Variants in KCNC2 observed in about 807,000 individuals in gnomAD.
KCNC2 encodes the protein potassium voltage-gated channel subfamily C member 2.
Under a neutral mutation model 44.5 loss-of-function variants are expected in KCNC2, and 21 were observed. That is an observed-to-expected ratio of 0.47 (90% confidence interval 0.33 to 0.68). KCNC2 has a LOEUF of 0.68. KCNC2 is among the 30% of genes least tolerant of loss of function. The pLI is 0.01. For synonymous variants in KCNC2, 391 were observed against 339.1 expected, an observed-to-expected ratio of 1.15 and a Z score of -1.68; for missense variants, 589 against 826.2, an observed-to-expected ratio of 0.71 and a Z score of 3.52.
intron 2 of KCNC2, among the ~76,000 whole-genome samples, chr12:75,115,672 T>G (rs1046092490): frequency 6.6e-6 from 1 of 152,196 alleles, no homozygotes; most frequent in African/African-American, 2.4e-5. Context: ...TCAATGCATC[T>G]TCTCTAAACT....
At position 75,146,442 on chromosome 12, in the gene KCNC2, G is replaced by T. The variant is rs149724234; in HGVS notation, c.687+60855C>A. Among the ~76,000 whole-genome samples, 262 of 152,152 alleles carry T rather than the reference G, an allele frequency of 1.7e-3. 1 individual carries two copies. The highest frequency in any genetic ancestry group is 3.1e-3 in the Non-Finnish European group (211 of 67,980). On this transcript the variant is annotated intron_variant, in intron 2 of 4. Coordinates refer to ENST00000549446, the MANE Select transcript of KCNC2 (RefSeq NM_139137.4). ...AATATTGCTTTTTATGGAACATTTT[G>T]ATTTTGAGATGTATACATGTTATTA... is the stretch of plus-strand genomic sequence containing the variant.
At chr12:75,208,678 G>A (rs763064078) in intron 1 of KCNC2, among the ~76,000 whole-genome samples, 3 of 148,120 alleles carry the variant, frequency 2.0e-5, no homozygotes, top group East Asian at 4.0e-4. Context: ...TGAGCAACCT[G>A]TTCTAGGATC....
chr12:75,091,458 C>T (rs185125493), intron 2 of KCNC2, among the ~76,000 whole-genome samples: 242 of 151,712 alleles, frequency 1.6e-3, no homozygotes, highest in African/African-American at 5.6e-3. Flanking sequence ...CAGCTTTCTT[C>T]GTACATAGTT....
rs531460938 is a variant in KCNC2, at chr12:75,073,506, ACTT to A, written c.688-22192_688-22190del. ...AGAGGCATCAACATGTTTAATAAAA[ACTT>A]CTTCTATACAGTTGCAATATTATAC... is the stretch of plus-strand genomic sequence containing the variant. On this transcript the variant is annotated intron_variant, in intron 2 of 4. Coordinates refer to ENST00000549446, the MANE Select transcript of KCNC2 (RefSeq NM_139137.4). Among the ~76,000 whole-genome samples the A allele has an allele frequency of 6.6e-5, 10 of 152,220 alleles. No individual in the cohort carries two copies. The East Asian group carries it at 7.7e-4, about 12-fold the overall frequency.
intron 2 of KCNC2, among the ~76,000 whole-genome samples, chr12:75,185,913 G>A (rs1416135144): frequency 1.3e-5 from 2 of 151,842 alleles, no homozygotes; most frequent in Non-Finnish European, 2.9e-5. Flanking sequence ...GGTCATGGTG[G>A]CAGGTGCCTG....
chr12:75,042,699 A>G lies in KCNC2; in HGVS notation c.*406T>C. The G allele has an allele frequency of 8.4e-7, 1 of 1,183,500 alleles. No homozygotes were observed. Among genetic ancestry groups the G allele is most frequent in the Non-Finnish European group, 1.0e-6 (1 of 954,164 alleles). 73.3% of individuals were successfully genotyped at this position (1,183,500 alleles called of 1,614,324 possible). The stretch of plus-strand genomic sequence containing the variant: ...ACACAAGTCATGTCGTGTGCAATCA[A>G]GATAGGATCCCAGACATCTTCAGAA... On this transcript the variant is annotated 3_prime_UTR_variant, in exon 5 of 5. Transcript: ENST00000549446.
At chr12:75,061,955 A>T (rs1882385680) in intron 2 of KCNC2, among the ~76,000 whole-genome samples, 1 of 152,096 alleles carries the variant, frequency 6.6e-6, no homozygotes, top group East Asian at 1.9e-4. Flanking sequence ...AGAAATTAGG[A>T]ATAGCTTTAA....
rs557824693 is a variant in KCNC2, at chr12:75,209,743, A to C, written c.-556T>G. 6.6e-6 allele frequency: 1 copy of C among 152,570 alleles called. No homozygotes were observed. The highest frequency in any genetic ancestry group is 2.1e-4 in the South Asian group (1 of 4,826). 9.5% of individuals were successfully genotyped at this position (152,570 alleles called of 1,614,324 possible). ...GCCATCCGAAGCACAGGGCTCAGGAAAGAGTGGGTGGGTGGGTCTGGAGAA... is the reference window on the plus strand; with the variant it reads ...GCCATCCGAAGCACAGGGCTCAGGACAGAGTGGGTGGGTGGGTCTGGAGAA... On this transcript the variant is annotated 5_prime_UTR_variant, in exon 1 of 5. Transcript: ENST00000549446.
intron 2 of KCNC2, among the ~76,000 whole-genome samples, chr12:75,074,232 A>ATTTTTT (rs5799196): frequency 1.1e-5 from 1 of 94,832 alleles, no homozygotes; most frequent in Non-Finnish European, 2.1e-5. Context: ...CTACTCATAG[A>ATTTTTT]TTTTTTTTTT....
intron 2 of KCNC2, among the ~76,000 whole-genome samples, chr12:75,159,231 C>A (rs1890963252): frequency 6.6e-6 from 1 of 151,560 alleles, no homozygotes; most frequent in South Asian, 2.1e-4. Context: ...AACAAACCTG[C>A]ACATTCTGCA....
At chr12:75,167,506 T>A (rs1322779531) in intron 2 of KCNC2, among the ~76,000 whole-genome samples, 1 of 151,290 alleles carries the variant, frequency 6.6e-6, no homozygotes, top group African/African-American at 2.4e-5. Context: ...AAGAAAGTCA[T>A]AAGTAAACAC....
chr12:75,179,045 A>T (rs1565667926), intron 2 of KCNC2, among the ~76,000 whole-genome samples: 1 of 152,080 alleles, frequency 6.6e-6, no homozygotes, highest in Admixed American at 6.6e-5. Context: ...GTTCATAGGA[A>T]AAACAGAAAC....
intron 2 of KCNC2, among the ~76,000 whole-genome samples, chr12:75,103,276 C>A (rs1253136508): frequency 2.0e-5 from 3 of 152,160 alleles, no homozygotes; most frequent in South Asian, 2.1e-4. Flanking sequence ...GTTCCCAATT[C>A]TTTAGGGGGT....
At chr12:75,196,481 A>T (rs2030777092) in intron 2 of KCNC2, among the ~76,000 whole-genome samples, 1 of 152,058 alleles carries the variant, frequency 6.6e-6, no homozygotes, top group Admixed American at 6.6e-5. Flanking sequence ...AGCAATGATA[A>T]TGTTAAGAGT....
chr12:75,121,336 C>A (rs1318452090), intron 2 of KCNC2, among the ~76,000 whole-genome samples: 1 of 152,126 alleles, frequency 6.6e-6, no homozygotes, highest in African/African-American at 2.4e-5. Context: ...CTTTTTCATT[C>A]TGCAATTAGT....
chr12:75,136,037 T>A (rs1182934949), intron 2 of KCNC2, among the ~76,000 whole-genome samples: 1 of 152,000 alleles, frequency 6.6e-6, no homozygotes, highest in Non-Finnish European at 1.5e-5. Context: ...AACACTCAGC[T>A]CTATTATCCT....
intron 2 of KCNC2, among the ~76,000 whole-genome samples, chr12:75,142,430 C>G (rs1283703852): frequency 1.3e-5 from 2 of 152,104 alleles, no homozygotes; most frequent in African/African-American, 2.4e-5. Context: ...TTTTGAAGCC[C>G]TCTTGAGTAA....
At chr12:75,107,891 A>G (rs1246882508) in intron 2 of KCNC2, among the ~76,000 whole-genome samples, 1 of 152,214 alleles carries the variant, frequency 6.6e-6, no homozygotes, top group African/African-American at 2.4e-5. Context: ...AGCAAGTAGA[A>G]TCCTGCATAT....
intron 2 of KCNC2, among the ~76,000 whole-genome samples, chr12:75,067,281 T>A (rs1181846089): frequency 6.6e-6 from 1 of 152,168 alleles, no homozygotes; most frequent in Non-Finnish European, 1.5e-5. Context: ...AGAGTTGCCT[T>A]TATAGTTTGT....
Sources: gnomAD v4.1 joint callset for allele counts (sites outside exome capture counted in the v4.1 genomes callset) on GRCh38, gnomAD v4.1.1 for gene constraint, MANE v1.5 for transcripts, NCBI Gene and HGNC (gene_info 2026-07-23, HGNC 2026-07-21) for gene names.